Variants in SNCAIP observed in about 807,000 individuals in gnomAD.
SNCAIP encodes the protein synphilin-1.
Under a neutral mutation model 86.7 loss-of-function variants are expected in SNCAIP, and 43 were observed. That is an observed-to-expected ratio of 0.50 (90% CI 0.39 to 0.64). The LOEUF (loss-of-function observed/expected upper bound fraction) is 0.64, where lower values mean the gene tolerates loss of function less well. Ranked by LOEUF, SNCAIP falls within the 30% of genes least tolerant of loss-of-function variation. SNCAIP has a pLI of 0.00. For synonymous variants in SNCAIP, 417 were observed against 427.2 expected (o/e 0.98, Z 0.29); for missense variants, 981 against 1,103.1 (o/e 0.89, Z 1.57).
At chr5:122,397,093 A>G (rs1303354867) in intron 2 of SNCAIP, among the ~76,000 whole-genome samples, 7 of 152,190 alleles carry the variant, frequency 4.6e-5, no homozygotes, top group Non-Finnish European at 8.8e-5. Context: ...AGGTACAGTC[A>G]GAACCTTGTT....
chr5:122,453,494 G>A (rs559798514), intron 10 of SNCAIP, among the ~76,000 whole-genome samples: 5 of 152,274 alleles, frequency 3.3e-5, no homozygotes, highest in African/African-American at 1.2e-4. Context: ...TTAGCATTAT[G>A]AACACGATTT....
In SNCAIP at chr5:122,423,644, C is replaced by T. The variant is rs752889449; in HGVS notation, c.907C>T (p.Arg303Trp). The T allele has an allele frequency of 2.9e-5, 47 of 1,612,686 alleles. No homozygotes were observed. Among genetic ancestry groups the T allele is most frequent in the Middle Eastern group, 1.6e-4 (1 of 6,082 alleles). The stretch of plus-strand genomic sequence containing the variant: ...AGAAGAGCAGGTCAGTGGCCTAAAC[C>T]GGACCAGCTCCCAAGGCCCAGAAGA... The part of the protein sequence containing the change: ...KPEEQVSGLN[R>W]TSSQGPEERS... Residue 303 changes from arginine (R) to tryptophan (W), a missense_variant, in exon 4 of 11, where the codon CGG becomes TGG. Transcript: ENST00000261368.
intron 1 of SNCAIP, among the ~76,000 whole-genome samples, chr5:122,375,411 G>C (rs1276373681): frequency 8.0e-5 from 12 of 150,438 alleles, no homozygotes; most frequent in Non-Finnish European, 1.5e-4. Flanking sequence ...ATTGTTTTCA[G>C]TGTCTTCACA....
At chr5:122,317,364 C>A (rs1751973677) in intron 1 of SNCAIP, among the ~76,000 whole-genome samples, 1 of 152,192 alleles carries the variant, frequency 6.6e-6, no homozygotes, top group Non-Finnish European at 1.5e-5. Flanking sequence ...CTGATTTCTT[C>A]TTTTCTTCAT....
intron 1 of SNCAIP, among the ~76,000 whole-genome samples, chr5:122,360,062 G>A (rs1416336912): frequency 6.6e-6 from 1 of 152,136 alleles, no homozygotes; most frequent in African/African-American, 2.4e-5. Flanking sequence ...TTGTGGTAGG[G>A]CTCTTTCATG....
intron 8 of SNCAIP, 129 bp from the exon 9 acceptor site, chr5:122,449,716 A>G (rs1396940579): frequency 6.6e-6 from 5 of 755,890 alleles, no homozygotes; most frequent in Non-Finnish European, 1.2e-5. Flanking sequence ...AAGGATGAAT[A>G]TTATGCACAT....
chr5:122,402,262 T>C (rs1160398291), intron 2 of SNCAIP, among the ~76,000 whole-genome samples: 1 of 152,056 alleles, frequency 6.6e-6, no homozygotes, highest in African/African-American at 2.4e-5. Context: ...GCCAGAAACA[T>C]AAGGTACCTT....
In SNCAIP at chr5:122,423,109, T is replaced by G. The variant is rs1479679037; in HGVS notation, c.372T>G (p.Asp124Glu). Residue 124 changes from aspartate to glutamate, a missense_variant, in exon 4 of 11, where the codon GAT becomes GAG. Physicochemically the swap from Asp to Glu is conservative, Grantham distance 45. Transcript: ENST00000261368. ...AGCCTCAGGAGCTTGGCCCTGGAGA[T>G]GGAGTGGGCGGCCCACCAGGTAAGA... ...GPQPQELGPGDGVGGPPGKSS... is the reference protein window; with the variant it reads ...GPQPQELGPGEGVGGPPGKSS... 1 of 1,614,068 alleles carries G rather than the reference T, an allele frequency of 6.2e-7. No homozygotes were observed. The highest frequency in any genetic ancestry group is 2.2e-5 in the East Asian group (1 of 44,848).
chr5:122,451,484 T>G lies in SNCAIP; in HGVS notation c.2637T>G (p.Asn879Lys), dbSNP rs1783671351. The G allele has an allele frequency of 6.2e-7, 1 of 1,613,594 alleles. No individual in the cohort carries two copies. Among genetic ancestry groups the G allele is most frequent in the African/African-American group, 1.3e-5 (1 of 74,852 alleles). ...TAAGTGGCAACCAAAACAATAATAA[T>G]AACTACCAGGCAGCCAACCAGCTGA... ...ETLSGNQNNNNNYQAANQLKT... is the reference protein window; with the variant it reads ...ETLSGNQNNNKNYQAANQLKT... Residue 879 changes from asparagine to lysine, a missense_variant, in exon 10 of 11, where the codon AAT (asparagine) becomes AAG (lysine). Transcript: ENST00000261368.
intron 1 of SNCAIP, among the ~76,000 whole-genome samples, chr5:122,317,498 T>A (rs1752004279): frequency 6.6e-6 from 1 of 152,154 alleles, no homozygotes; most frequent in Admixed American, 6.5e-5. Flanking sequence ...TGGCCGGAGA[T>A]TTGGACCATG....
At chr5:122,345,450 C>G (rs771093632) in intron 1 of SNCAIP, among the ~76,000 whole-genome samples, 9 of 152,106 alleles carry the variant, frequency 5.9e-5, no homozygotes, top group Non-Finnish European at 1.2e-4. Flanking sequence ...CTGTTTATTA[C>G]AGATTACTTA....
In SNCAIP at chr5:122,423,757, C is replaced by G. The variant is rs764370858; in HGVS notation, c.1002+18C>G. 9.4e-6 allele frequency: 15 copies of G among 1,592,542 alleles called. No homozygotes were observed. The South Asian group carries it at 1.5e-4, about 16-fold the overall frequency. On this transcript the variant is annotated intron_variant, in intron 4 of 10. Coordinates refer to ENST00000261368, the MANE Select transcript of SNCAIP (RefSeq NM_005460.4). ...CTCTCCTGGTAAGTATAATCTAGTT[C>G]AGTATACATGTCAATAGACTGGAGA...
chr5:122,445,282 A>G (rs550590886), intron 8 of SNCAIP, among the ~76,000 whole-genome samples: 22 of 152,324 alleles, frequency 1.4e-4, no homozygotes, highest in African/African-American at 4.8e-4. Context: ...AGTCAGCATG[A>G]AGTTACTTAA....
intron 6 of SNCAIP, among the ~76,000 whole-genome samples, chr5:122,438,245 T>G (rs1270294469): frequency 6.6e-6 from 1 of 152,168 alleles, no homozygotes; most frequent in African/African-American, 2.4e-5. Context: ...CCCTGTGGAG[T>G]TTGCTCATTC....
chr5:122,357,929 C>T (rs1761374212), intron 1 of SNCAIP, among the ~76,000 whole-genome samples: 1 of 152,002 alleles, frequency 6.6e-6, no homozygotes, highest in African/African-American at 2.4e-5. Context: ...TATGAGTTCC[C>T]TGAGGGCAGA....
chr5:122,451,401 G>A lies in SNCAIP; in HGVS notation c.2554G>A (p.Glu852Lys), dbSNP rs773604913. 5 of 1,614,068 alleles carry A rather than the reference G, an allele frequency of 3.1e-6. No individual in the cohort carries two copies. Among genetic ancestry groups the A allele is most frequent in the Non-Finnish European group, 3.4e-6 (4 of 1,179,990 alleles). Reference sequence around the variant, plus strand: ...TCTCCAGCGGACCTCCACAAGTAACGAATCGGGGGATCAACTGAAAAGGCC... The same window carrying A: ...TCTCCAGCGGACCTCCACAAGTAACAAATCGGGGGATCAACTGAAAAGGCC... ...RTLQRTSTSN[E>K]SGDQLKRPFG... Residue 852 changes from glutamate (E) to lysine (K), a missense_variant, in exon 10 of 11, where the codon GAA (glutamate) becomes AAA (lysine). Transcript: ENST00000261368.
chr5:122,444,753 AT>A, intron 8 of SNCAIP, 21 bp downstream of exon 8: 1 of 1,598,746 alleles, frequency 6.3e-7, no homozygotes, highest in South Asian at 1.1e-5. Context: ...TGTTGGTTCC[AT>A]GAGAACCAAG....
intron 10 of SNCAIP, among the ~76,000 whole-genome samples, chr5:122,455,124 C>T (rs1289772513): frequency 6.6e-6 from 1 of 152,100 alleles, no homozygotes; most frequent in Non-Finnish European, 1.5e-5. Flanking sequence ...TCCTCATTAC[C>T]CTGTAAATTA....
At chr5:122,462,505 C>A (rs1214381246) in intron 10 of SNCAIP, among the ~76,000 whole-genome samples, 2 of 151,950 alleles carry the variant, frequency 1.3e-5, no homozygotes, top group East Asian at 3.8e-4. Context: ...TTCACCTCTT[C>A]CCTTTCCCTT....
Sources: allele counts gnomAD v4.1 joint callset (sites outside exome capture counted in the v4.1 genomes callset), GRCh38; gene constraint gnomAD v4.1.1; transcripts MANE v1.5; gene names NCBI Gene and HGNC (gene_info 2026-07-23, HGNC 2026-07-21).